The following SEMA3A variants were observed in gnomAD, a reference collection of about 807,000 sequenced individuals.
The protein encoded by SEMA3A is semaphorin 3A.
Under a neutral mutation model 97.9 loss-of-function variants are expected in SEMA3A, and 29 were observed. The observed-to-expected ratio is 0.30, with a 90% CI of 0.22 to 0.40. The LOEUF is 0.40. SEMA3A is among the 10% of genes least tolerant of loss of function. The pLI is 1.00. For missense variants in SEMA3A, 763 were observed against 951.3 expected, an observed-to-expected ratio of 0.80 and a Z score of 2.60; for synonymous variants, 321 against 323.7, an observed-to-expected ratio of 0.99 and a Z score of 0.09.
chr7:84,443,954 T>C (rs772467997), intron 1 of SEMA3A, among the ~76,000 whole-genome samples: 13 of 149,692 alleles, frequency 8.7e-5, no homozygotes, highest in Non-Finnish European at 1.3e-4. Context: ...TGGTGTGATC[T>C]TGGCTCCCTT....
At chr7:84,362,086 A>C (rs2116068253) in intron 2 of SEMA3A, among the ~76,000 whole-genome samples, 1 of 152,066 alleles carries the variant, frequency 6.6e-6, no homozygotes. Context: ...AATCTCTCTA[A>C]GATAAACAGT....
intron 2 of SEMA3A, among the ~76,000 whole-genome samples, chr7:84,355,085 T>G (rs1418181639): frequency 6.6e-6 from 1 of 151,780 alleles, no homozygotes; most frequent in Non-Finnish European, 1.5e-5. Flanking sequence ...AGAATGGAAT[T>G]CTCTAAATCA....
intron 3 of SEMA3A, among the ~76,000 whole-genome samples, chr7:84,222,871 C>T (rs1385956257): frequency 2.6e-5 from 4 of 151,798 alleles, no homozygotes; most frequent in African/African-American, 7.2e-5. Flanking sequence ...AATACAAATA[C>T]ATAGAAACTT....
chr7:84,160,231 AT>A (rs1796985539), intron 1 of SEMA3A, among the ~76,000 whole-genome samples: 1 of 5,582 alleles, frequency 1.8e-4, no homozygotes, highest in Non-Finnish European at 4.0e-4. Context: ...CTGTCTATCT[AT>A]CTATCTATCT....
chr7:84,132,111 CT>C (rs1288375844), intron 2 of SEMA3A, among the ~76,000 whole-genome samples: 2 of 152,086 alleles, frequency 1.3e-5, no homozygotes, highest in Non-Finnish European at 2.9e-5. Context: ...CCATACCCAG[CT>C]GATATAAATT....
At position 84,349,966 on chromosome 7, in the gene SEMA3A, G is replaced by C. The variant is rs370213809; in HGVS notation, c.-169+21858C>G. Among the ~76,000 whole-genome samples, 124 of 151,718 alleles carry C rather than the reference G, an allele frequency of 8.2e-4. 1 individual carries two copies. The highest frequency in any genetic ancestry group is 2.8e-3 in the African/African-American group (114 of 41,364). ...CTATCTGCCTTCTTGATGTCTCCAG[G>C]GTATATAAATATATCCAAATTGGAA... On this transcript the variant is annotated intron_variant, in intron 2 of 3. Transcript: ENST00000424555.
At chr7:84,309,771 A>C (rs754415473) in intron 2 of SEMA3A, among the ~76,000 whole-genome samples, 1 of 152,188 alleles carries the variant, frequency 6.6e-6, no homozygotes, top group Non-Finnish European at 1.5e-5. Context: ...GACTATGCTA[A>C]TATTTTGATG....
chr7:84,397,887 TGGGG>T (rs1178031165), intron 1 of SEMA3A, among the ~76,000 whole-genome samples: 1 of 152,090 alleles, frequency 6.6e-6, no homozygotes, highest in South Asian at 2.1e-4. Flanking sequence ...AAATAGGCCA[TGGGG>T]TTTTATGATA....
chr7:83,989,496 T>A (rs1273569176), intron 12 of SEMA3A, among the ~76,000 whole-genome samples: 1 of 131,146 alleles, frequency 7.6e-6, no homozygotes, highest in Non-Finnish European at 1.6e-5. Flanking sequence ...GTCTCCAGAG[T>A]GTGATATTCC....
At chr7:84,175,923 C>G (rs1305274202) in intron 1 of SEMA3A, among the ~76,000 whole-genome samples, 1 of 152,094 alleles carries the variant, frequency 6.6e-6, no homozygotes, top group African/African-American at 2.4e-5. Flanking sequence ...TTTTATAGCA[C>G]TTTTTATTTA....
intron 1 of SEMA3A, among the ~76,000 whole-genome samples, chr7:84,138,216 A>T (rs986658021): frequency 1.5e-4 from 23 of 150,920 alleles, no homozygotes; most frequent in Non-Finnish European, 2.1e-4. Flanking sequence ...AACTATATAT[A>T]TTTTTTTTCT....
At chr7:84,478,463 T>C (rs191970985) in intron 1 of SEMA3A, among the ~76,000 whole-genome samples, 78 of 152,240 alleles carry the variant, frequency 5.1e-4, no homozygotes, top group Middle Eastern at 6.8e-3. Context: ...TTAGTAAATA[T>C]AGATCTTGGT....
At chr7:84,265,499 A>AT (rs1799969100) in intron 3 of SEMA3A, among the ~76,000 whole-genome samples, 1 of 147,394 alleles carries the variant, frequency 6.8e-6, no homozygotes, top group Non-Finnish European at 1.5e-5. Flanking sequence ...TATATTATAT[A>AT]TCATATATAT....
chr7:84,036,046 A>G (rs1020116874), intron 6 of SEMA3A, among the ~76,000 whole-genome samples: 2 of 152,056 alleles, frequency 1.3e-5, no homozygotes, highest in African/African-American at 2.4e-5. Context: ...ATTTAGACAA[A>G]GGAAAGCTGC....
At chr7:84,168,219 G>A (rs1198715551) in intron 1 of SEMA3A, among the ~76,000 whole-genome samples, 1 of 151,940 alleles carries the variant, frequency 6.6e-6, no homozygotes, top group Non-Finnish European at 1.5e-5. Context: ...GAGGTAGCAA[G>A]ACAAAATAAT....
chr7:84,172,612 G>C (rs1027577931), intron 1 of SEMA3A, among the ~76,000 whole-genome samples: 5 of 151,816 alleles, frequency 3.3e-5, no homozygotes, highest in African/African-American at 1.2e-4. Flanking sequence ...TTTTTCAGTA[G>C]AGACGGGGTT....
intron 1 of SEMA3A, among the ~76,000 whole-genome samples, chr7:84,488,553 A>C (rs76338542): frequency 1.3e-5 from 2 of 151,974 alleles, no homozygotes; most frequent in East Asian, 3.9e-4. Flanking sequence ...GATTAGAGTG[A>C]TCTCTGTTTG....
At chr7:84,426,829 T>C (rs370193663) in intron 1 of SEMA3A, among the ~76,000 whole-genome samples, 3 of 152,302 alleles carry the variant, frequency 2.0e-5, no homozygotes, top group East Asian at 3.9e-4. Flanking sequence ...ATCAGACTTA[T>C]AAATTTTTTC....
intron 1 of SEMA3A, among the ~76,000 whole-genome samples, chr7:84,420,700 T>C (rs917824312): frequency 6.6e-6 from 1 of 152,098 alleles, no homozygotes; most frequent in African/African-American, 2.4e-5. Flanking sequence ...ATTTAAAGTC[T>C]ATGATTTAAA....
Sources: allele counts gnomAD v4.1 joint callset (sites outside exome capture counted in the v4.1 genomes callset), GRCh38; gene constraint gnomAD v4.1.1; transcripts MANE v1.5; gene names NCBI Gene and HGNC (gene_info 2026-07-23, HGNC 2026-07-21).